The following PPP4R4 variants were observed in gnomAD, a reference collection of about 807,000 sequenced individuals.
The protein encoded by PPP4R4 is serine/threonine-protein phosphatase 4 regulatory subunit 4.
A neutral mutation model predicts 121.8 loss-of-function variants in PPP4R4; 70 were observed. That is an observed-to-expected ratio of 0.57 (90% CI 0.47 to 0.70). The LOEUF is 0.70. PPP4R4 is among the 30% of genes least tolerant of loss of function. The pLI is 0.00. For synonymous variants in PPP4R4, 348 were observed against 355.7 expected (o/e 0.98, Z 0.24); for missense variants, 875 against 1,033.6 (o/e 0.85, Z 2.10).
At chr14:94,182,219 A>G (rs766933483) in intron 2 of PPP4R4, among the ~76,000 whole-genome samples, 1 of 152,280 alleles carries the variant, frequency 6.6e-6, no homozygotes, top group Middle Eastern at 3.4e-3. Flanking sequence ...TAAAAAAGTA[A>G]TGAATTTGGA....
intron 2 of PPP4R4, among the ~76,000 whole-genome samples, chr14:94,203,325 CTT>C (rs1890292030): frequency 6.6e-6 from 1 of 152,158 alleles, no homozygotes; most frequent in African/African-American, 2.4e-5. Flanking sequence ...ATTTTTTTCA[CTT>C]AGCATAATTT....
intron 3 of PPP4R4, among the ~76,000 whole-genome samples, chr14:94,208,960 A>G (rs1042034688): frequency 6.6e-6 from 1 of 151,938 alleles, no homozygotes; most frequent in Non-Finnish European, 1.5e-5. Flanking sequence ...TGACCCTATG[A>G]TGACTTCTGA....
At chr14:94,205,286 A>C (rs1567113741) in intron 2 of PPP4R4, among the ~76,000 whole-genome samples, 1 of 152,104 alleles carries the variant, frequency 6.6e-6, no homozygotes. Context: ...ATGTTTATCA[A>C]AGAATTGGAC....
At chr14:94,221,671 AAAAC>A (rs772972537) in intron 3 of PPP4R4, among the ~76,000 whole-genome samples, 5 of 152,092 alleles carry the variant, frequency 3.3e-5, no homozygotes, top group Non-Finnish European at 5.9e-5. Flanking sequence ...AAAATAACAA[AAAAC>A]AAACAAACAA....
At chr14:94,226,919 A>T (rs961737770) in intron 3 of PPP4R4, among the ~76,000 whole-genome samples, 5 of 152,172 alleles carry the variant, frequency 3.3e-5, no homozygotes, top group African/African-American at 1.2e-4. Context: ...GATTTATTTA[A>T]TGCTTTTCTA....
At chr14:94,200,020 AG>A (rs1295260180) in intron 2 of PPP4R4, among the ~76,000 whole-genome samples, 3 of 152,154 alleles carry the variant, frequency 2.0e-5, no homozygotes, top group Non-Finnish European at 4.4e-5. Context: ...GCACAGGCCC[AG>A]GGGTGGTACC....
At chr14:94,217,176 A>G (rs1335238818) in intron 3 of PPP4R4, among the ~76,000 whole-genome samples, 1 of 152,190 alleles carries the variant, frequency 6.6e-6, no homozygotes, top group Non-Finnish European at 1.5e-5. Context: ...CTACTACTAG[A>G]GAAGGGACAA....
chr14:94,258,897 G>A, intron 18 of PPP4R4, 73 bp downstream of exon 18: 11 of 1,331,440 alleles, frequency 8.3e-6, no homozygotes, highest in Non-Finnish European at 8.5e-6. Flanking sequence ...CCAAGACTGG[G>A]CAATTTACAA....
chr14:94,262,838 A>G (rs1490559609), intron 19 of PPP4R4, among the ~76,000 whole-genome samples: 2 of 151,978 alleles, frequency 1.3e-5, no homozygotes, highest in Non-Finnish European at 1.5e-5. Flanking sequence ...TTCTTTATCT[A>G]AAATGTCTTA....
chr14:94,239,048 C>G (rs973771645), intron 8 of PPP4R4, among the ~76,000 whole-genome samples: 32 of 152,036 alleles, frequency 2.1e-4, no homozygotes, highest in African/African-American at 7.5e-4. Flanking sequence ...TATTTCCTAC[C>G]ATTCTTTCCC....
At chr14:94,191,216 G>A (rs1358454009) in intron 2 of PPP4R4, among the ~76,000 whole-genome samples, 1 of 152,152 alleles carries the variant, frequency 6.6e-6, no homozygotes, top group Non-Finnish European at 1.5e-5. Context: ...GTGCTGTGGG[G>A]TGTGAGGAGA....
intron 3 of PPP4R4, among the ~76,000 whole-genome samples, chr14:94,223,908 C>G (rs1235108880): frequency 6.6e-6 from 1 of 152,174 alleles, no homozygotes; most frequent in African/African-American, 2.4e-5. Context: ...CACATCCACA[C>G]AGATCAACTG....
At chr14:94,274,055 A>G (rs1008977626) in intron 23 of PPP4R4, among the ~76,000 whole-genome samples, 2 of 152,108 alleles carry the variant, frequency 1.3e-5, no homozygotes, top group African/African-American at 2.4e-5. Flanking sequence ...CTATGACCAC[A>G]TGTACACATT....
intron 23 of PPP4R4, among the ~76,000 whole-genome samples, chr14:94,271,008 A>G (rs778882047): frequency 6.6e-6 from 1 of 152,136 alleles, no homozygotes; most frequent in Non-Finnish European, 1.5e-5. Flanking sequence ...GCTCATATCT[A>G]TTAAAGAAAT....
chr14:94,233,772 A>G lies in PPP4R4; in HGVS notation c.623+13A>G. 1 of 1,497,808 alleles carries G rather than the reference A, an allele frequency of 6.7e-7. No homozygotes were observed. Among genetic ancestry groups the G allele is most frequent in the Non-Finnish European group, 9.2e-7 (1 of 1,082,058 alleles). The allele number at this position is 1,497,808 out of a possible 1,614,324, so 92.8% of individuals were successfully genotyped here. A position where few individuals can be genotyped will look rare whatever the true frequency, so the allele number is the denominator to read the frequency against. ...TTGATGCCCACACGTGAGTATTTGT[A>G]TGTAATTTTCGGTCTACTTTATTAC... On this transcript the variant is annotated intron_variant, in intron 6 of 24. Transcript: ENST00000304338.
rs185460488 is a variant in PPP4R4 at position 94,233,888 on chromosome 14, T to G, written c.623+129T>G. 26 of 649,102 alleles carry G rather than the reference T, an allele frequency of 4.0e-5. No homozygotes were observed. In the African/African-American group the frequency reaches 4.6e-4, roughly 12 times the overall value. 40.2% of individuals were successfully genotyped at this position (649,102 alleles called of 1,614,324 possible). A position where few individuals can be genotyped will look rare whatever the true frequency, so the allele number is the denominator to read the frequency against. On this transcript the variant is annotated intron_variant, in intron 6 of 24. Coordinates refer to ENST00000304338, the MANE Select transcript of PPP4R4 (RefSeq NM_058237.2). The stretch of plus-strand genomic sequence containing the variant: ...TTAGTTATCTTAACTATTTTAACTT[T>G]ATGGAATTCTCATGACGAATTTACT...
chr14:94,258,838 C>G lies in PPP4R4; in HGVS notation c.2052+14C>G. ...TCTATGGATGCTGTAAGTATACTCT[C>G]TTTACCTTATTGTGTTGGTCCATTT... On this transcript the variant is annotated intron_variant, in intron 18 of 24. Transcript: ENST00000304338. 1 of 1,577,886 alleles carries G rather than the reference C, an allele frequency of 6.3e-7. No individual in the cohort carries two copies. The highest frequency in any genetic ancestry group is 8.7e-7 in the Non-Finnish European group (1 of 1,148,722).
intron 3 of PPP4R4, among the ~76,000 whole-genome samples, chr14:94,218,269 G>GC (rs992240970): frequency 3.9e-5 from 6 of 152,072 alleles, no homozygotes; most frequent in Non-Finnish European, 8.8e-5. Context: ...AGAAATACTA[G>GC]CCAGGACAAA....
intron 23 of PPP4R4, 125 bp downstream of exon 23, chr14:94,267,154 T>A: frequency 1.7e-6 from 1 of 589,792 alleles, no homozygotes; most frequent in Non-Finnish European, 2.8e-6. Context: ...ATCAGGTCCC[T>A]AAGAAATTAA....
Sources: gnomAD v4.1 joint callset for allele counts (sites outside exome capture counted in the v4.1 genomes callset) on GRCh38, gnomAD v4.1.1 for gene constraint, MANE v1.5 for transcripts, NCBI Gene and HGNC (gene_info 2026-07-23, HGNC 2026-07-21) for gene names.